The following ABCC4 variants were observed in gnomAD, a reference collection of about 807,000 sequenced individuals.
ABCC4 encodes the protein ATP binding cassette subfamily C member 4 (PEL blood group), also known as ATP-binding cassette sub-family C member 4.
ABCC4 carries 102 observed loss-of-function variants against 168.5 expected under a neutral mutation model. That is an observed-to-expected ratio of 0.61 (90% CI 0.52 to 0.71). The LOEUF (loss-of-function observed/expected upper bound fraction) is 0.71. ABCC4 is among the 30% of genes least tolerant of loss of function. The pLI, the probability that ABCC4 is intolerant of heterozygous loss-of-function variation, is 0.00. For synonymous variants in ABCC4, 617 were observed against 590.7 expected (o/e 1.04, Z -0.65); for missense variants, 1,402 against 1,605.8 (o/e 0.87, Z 2.17).
rs559081770 is a variant in ABCC4, at chr13:95,115,860, G to T, written c.2535+62C>A. On this transcript the variant is annotated intron_variant, in intron 20 of 30. Coordinates refer to ENST00000645237, the MANE Select transcript of ABCC4 (RefSeq NM_005845.5). The stretch of plus-strand genomic sequence containing the variant: ...TCCCACCCCCAGACCCCATGAAAAG[G>T]GCTTGAAAAAATAGGAACTTCCGTT... The T allele has an allele frequency of 2.2e-5, 32 of 1,425,928 alleles. No individual in the cohort carries two copies. The African/African-American group carries it at 4.3e-4, about 19-fold the overall frequency. 88.3% of individuals were successfully genotyped at this position (1,425,928 alleles called of 1,614,324 possible). A position where few individuals can be genotyped will look rare whatever the true frequency, so the allele number is the denominator to read the frequency against.
chr13:95,045,855 T>C (rs2032554562), intron 27 of ABCC4, among the ~76,000 whole-genome samples: 1 of 152,196 alleles, frequency 6.6e-6, no homozygotes, highest in African/African-American at 2.4e-5. Context: ...AACATTGTCA[T>C]GTACCTTAAA....
intron 30 of ABCC4, among the ~76,000 whole-genome samples, chr13:95,025,290 CA>C (rs2031420583): frequency 1.3e-5 from 1 of 75,744 alleles, no homozygotes; most frequent in African/African-American, 6.4e-5. Flanking sequence ...CACCCCCACA[CA>C]CACCCACATA....
chr13:95,239,164 CAA>C (rs67156942), intron 3 of ABCC4, among the ~76,000 whole-genome samples: 26,147 of 147,992 alleles, frequency 0.18, 2,604 homozygotes, highest in East Asian at 0.44. Flanking sequence ...ATGTAAACTG[CAA>C]AAAAAAAAAA....
chr13:95,062,776 A>G lies in ABCC4; in HGVS notation c.3294T>C (p.Ile1098=), dbSNP rs199832687. 28 of 1,613,900 alleles carry G rather than the reference A, an allele frequency of 1.7e-5. No individual in the cohort carries two copies. The highest frequency in any genetic ancestry group is 5.0e-5 in the Admixed American group (3 of 59,982). The change falls in exon 26 of 31, where the codon ATT becomes ATC. Residue 1098 remains isoleucine, a synonymous_variant. Transcript: ENST00000645237. ...LFRLSEPEGK[I]WIDKILTTEI... is the part of the protein sequence containing the mutation. ...CAGTTGTCAAGATCTTATCAATCCA[A>G]ATTTTACCTTCGGGTTCTGACAATC...
intron 8 of ABCC4, among the ~76,000 whole-genome samples, chr13:95,200,435 T>C (rs946127403): frequency 6.6e-6 from 1 of 152,308 alleles, no homozygotes; most frequent in East Asian, 1.9e-4. Context: ...TCTAAAGATA[T>C]TGATTGGGCT....
intron 1 of ABCC4, among the ~76,000 whole-genome samples, chr13:95,257,577 C>T (rs949831641): frequency 2.0e-5 from 3 of 151,716 alleles, no homozygotes; most frequent in Non-Finnish European, 4.4e-5. Context: ...ACAGGACAAT[C>T]GCTTGAACCC....
At chr13:95,172,595 ATT>A (rs2037516970) in intron 13 of ABCC4, among the ~76,000 whole-genome samples, 2 of 151,150 alleles carry the variant, frequency 1.3e-5, no homozygotes, top group Admixed American at 6.6e-5. Context: ...AAAAGACAAC[ATT>A]AAGAGCTGAC....
In ABCC4 at chr13:95,096,238, A is replaced by T. The variant is rs1350701493; in HGVS notation, c.2536-12948T>A. ...CTGGCAGCAGATTGGGATAAGAGAA[A>T]GAATCAATGACCCTAAAGACAGAGC... On this transcript the variant is annotated intron_variant, in intron 20 of 30. Transcript: ENST00000645237. 3 of 599,424 alleles carry T rather than the reference A, an allele frequency of 5.0e-6. No individual in the cohort carries two copies. The Admixed American group carries it at 9.6e-5, about 19-fold the overall frequency. The allele number at this position is 599,424 out of a possible 1,614,324, so 37.1% of individuals were successfully genotyped here.
chr13:95,259,926 A>G (rs976507723), intron 1 of ABCC4, among the ~76,000 whole-genome samples: 1 of 151,982 alleles, frequency 6.6e-6, no homozygotes, highest in Non-Finnish European at 1.5e-5. Flanking sequence ...TGGGCTTTCT[A>G]AGGGATCAAC....
chr13:95,208,039 G>A (rs1022110899), intron 6 of ABCC4, 114 bp from the exon 7 acceptor site: 69 of 1,068,234 alleles, frequency 6.5e-5, no homozygotes, highest in Admixed American at 1.3e-4. Flanking sequence ...TTTTGCTTCC[G>A]ACAACACAGA....
chr13:95,230,946 C>T (rs751771894), intron 4 of ABCC4, among the ~76,000 whole-genome samples: 2 of 152,204 alleles, frequency 1.3e-5, no homozygotes, highest in Non-Finnish European at 2.9e-5. Flanking sequence ...ATATTATTCA[C>T]TCTTTCAAAG....
chr13:95,111,216 T>C (rs2035193867), intron 20 of ABCC4, among the ~76,000 whole-genome samples: 1 of 152,222 alleles, frequency 6.6e-6, no homozygotes, highest in African/African-American at 2.4e-5. Flanking sequence ...AGAGCCATTC[T>C]ATGTTCATAA....
intron 3 of ABCC4, among the ~76,000 whole-genome samples, chr13:95,240,355 A>G (rs1010185135): frequency 6.6e-6 from 1 of 152,086 alleles, no homozygotes; most frequent in Admixed American, 6.5e-5. Context: ...AACATGGTGA[A>G]ACCCCATCTC....
intron 3 of ABCC4, among the ~76,000 whole-genome samples, chr13:95,242,502 AG>A (rs1457920707): frequency 6.6e-6 from 1 of 152,160 alleles, no homozygotes; most frequent in African/African-American, 2.4e-5. Flanking sequence ...CTGGGATTAC[AG>A]GCGTGAGCCA....
intron 27 of ABCC4, among the ~76,000 whole-genome samples, chr13:95,049,350 A>C (rs1014169567): frequency 2.7e-5 from 4 of 148,512 alleles, no homozygotes; most frequent in African/African-American, 7.5e-5. Flanking sequence ...TAAATAAATA[A>C]ATAAAAATAG....
In ABCC4 at chr13:95,233,635, C is replaced by A. The variant is rs1206400815; in HGVS notation, c.531+975G>T. Among the ~76,000 whole-genome samples the A allele has an allele frequency of 2.6e-5, 4 of 151,880 alleles. No homozygotes were observed. The East Asian group carries it at 7.7e-4, about 29-fold the overall frequency. On this transcript the variant is annotated intron_variant, in intron 4 of 30. Transcript: ENST00000645237. ...CCCATGGAAAAAACTTGCACCTCTA[C>A]CCCTGAATCTAAAATAAAAGATGAA... is the stretch of plus-strand genomic sequence containing the variant.
At chr13:95,261,485 A>T (rs1385545424) in intron 1 of ABCC4, among the ~76,000 whole-genome samples, 2 of 152,202 alleles carry the variant, frequency 1.3e-5, no homozygotes, top group African/African-American at 4.8e-5. Context: ...GCATAGCAGT[A>T]ACATAAAAAG....
At chr13:95,131,895 T>C (rs1161434303) in intron 19 of ABCC4, among the ~76,000 whole-genome samples, 2 of 149,902 alleles carry the variant, frequency 1.3e-5, no homozygotes, top group Non-Finnish European at 3.0e-5. Context: ...ATATGACAGG[T>C]CCCCAAATTA....
At chr13:95,244,620 A>G (rs1052751012) in intron 3 of ABCC4, among the ~76,000 whole-genome samples, 1 of 43,356 alleles carries the variant, frequency 2.3e-5, no homozygotes, top group South Asian at 6.7e-4. Flanking sequence ...AAAGAAAGAA[A>G]GAAAGAAAGA....
Sources: allele counts gnomAD v4.1 joint callset (sites outside exome capture counted in the v4.1 genomes callset), GRCh38; gene constraint gnomAD v4.1.1; transcripts MANE v1.5; gene names NCBI Gene and HGNC (gene_info 2026-07-23, HGNC 2026-07-21).